Variants in GMEB1 observed in about 807,000 individuals in gnomAD.
The protein encoded by GMEB1 is glucocorticoid modulatory element binding protein 1.
In GMEB1, 6 loss-of-function variants were observed where a neutral mutation model predicts 52.4. That is an observed-to-expected ratio of 0.11 (90% CI 0.06 to 0.23). GMEB1 has a LOEUF of 0.23. GMEB1 is among the 10% of genes least tolerant of loss of function. The pLI, the probability that GMEB1 is intolerant of heterozygous loss-of-function variation, is 1.00. For missense variants in GMEB1, 486 were observed against 685.6 expected, an observed-to-expected ratio of 0.71 and a Z score of 3.25; for synonymous variants, 255 against 244.9, an observed-to-expected ratio of 1.04 and a Z score of -0.38.
intron 6 of GMEB1, 37 bp from the exon 7 acceptor site, chr1:28,702,401 A>T (rs1235001656): frequency 1.3e-6 from 2 of 1,589,668 alleles, no homozygotes; most frequent in African/African-American, 1.3e-5. Flanking sequence ...CTTTTTCGTT[A>T]AATTCACTGT....
At chr1:28,669,904 A>G (rs1668804054) in intron 1 of GMEB1, among the ~76,000 whole-genome samples, 3 of 152,134 alleles carry the variant, frequency 2.0e-5, no homozygotes, top group Admixed American at 2.0e-4. Flanking sequence ...TTGGAGGATG[A>G]TCCACAAGAC....
intron 9 of GMEB1, among the ~76,000 whole-genome samples, chr1:28,711,273 C>T (rs1477680140): frequency 1.4e-5 from 2 of 144,010 alleles, no homozygotes; most frequent in African/African-American, 5.1e-5. Context: ...GGGACAAGAA[C>T]GAGACTCTGT....
chr1:28,702,312 G>A (rs1670552612), intron 6 of GMEB1, 126 bp from the exon 7 acceptor site: 3 of 611,640 alleles, frequency 4.9e-6, no homozygotes, highest in Non-Finnish European at 8.1e-6. Context: ...TTAAAATAGG[G>A]ACCTGCAGCC....
Position 28,704,203 on chromosome 1 carries a change from A to C in GMEB1, c.742A>C (p.Met248Leu). The C allele has an allele frequency of 6.2e-7, 1 of 1,611,476 alleles. No homozygotes were observed. The part of the protein sequence containing the change: ...DSEEISEDTL[M>L]FWKGIADVGL... ...CCTTCTTGTGCCAGAGGACACTTTG[A>C]TGTTCTGGAAAGGAATAGCTGATGT... Residue 248 changes from methionine (M) to leucine (L), a missense_variant, in exon 8 of 10, where the codon ATG becomes CTG. Physicochemically the swap from Met to Leu is conservative, Grantham distance 15 (BLOSUM62 2). Transcript: ENST00000373816.
At position 28,704,197 on chromosome 1, in the gene GMEB1, A is replaced by T; in HGVS notation, c.736A>T (p.Thr246Ser). 1 of 1,610,574 alleles carries T rather than the reference A, an allele frequency of 6.2e-7. No homozygotes were observed. The highest frequency in any genetic ancestry group is 1.3e-5 in the African/African-American group (1 of 74,770). Residue 246 changes from threonine to serine, a missense_variant, in exon 8 of 10, where the codon ACT (threonine) becomes TCT (serine). Physicochemically the swap from Thr to Ser is moderately conservative, Grantham distance 58 (BLOSUM62 1). Around this residue, in one of 5 missense-constraint regions of GMEB1, gnomAD observed 200 missense variants for 253.5 expected, o/e 0.79. Coordinates refer to ENST00000373816, the MANE Select transcript of GMEB1 (RefSeq NM_001319674.2). ...TCTTATCCTTCTTGTGCCAGAGGACACTTTGATGTTCTGGAAAGGAATAGC... is the reference window on the plus strand; with the variant it reads ...TCTTATCCTTCTTGTGCCAGAGGACTCTTTGATGTTCTGGAAAGGAATAGC... ...KKDSEEISED[T>S]LMFWKGIADV...
At chr1:28,705,357 G>T (rs957454493) in intron 8 of GMEB1, among the ~76,000 whole-genome samples, 6 of 151,132 alleles carry the variant, frequency 4.0e-5, no homozygotes, top group Non-Finnish European at 8.8e-5. Flanking sequence ...TTATGCCACT[G>T]CCCACCAGTC....
At chr1:28,672,375 T>A (rs1268362182) in intron 1 of GMEB1, among the ~76,000 whole-genome samples, 1 of 149,136 alleles carries the variant, frequency 6.7e-6, no homozygotes, top group Non-Finnish European at 1.5e-5. Flanking sequence ...CCGCCACCAC[T>A]CCCAGCTAAT....
intron 8 of GMEB1, among the ~76,000 whole-genome samples, chr1:28,707,234 G>A (rs1173136896): frequency 1.3e-5 from 2 of 151,354 alleles, no homozygotes; most frequent in East Asian, 1.9e-4. Context: ...TGCCCGCCTC[G>A]GCCTCCCAAA....
At chr1:28,688,279 G>A (rs781238339) in intron 2 of GMEB1, among the ~76,000 whole-genome samples, 20 of 152,138 alleles carry the variant, frequency 1.3e-4, no homozygotes, top group African/African-American at 4.1e-4. Context: ...GCGAAACTCC[G>A]TCTCAAGAAA....
At chr1:28,688,118 C>T (rs1196975326) in intron 2 of GMEB1, among the ~76,000 whole-genome samples, 1 of 152,086 alleles carries the variant, frequency 6.6e-6, no homozygotes, top group Non-Finnish European at 1.5e-5. Flanking sequence ...AACCCCATCT[C>T]TACTAAAAAT....
At chr1:28,710,758 G>C (rs1409655221) in intron 9 of GMEB1, 116 bp downstream of exon 9, 1 of 617,868 alleles carries the variant, frequency 1.6e-6, no homozygotes, top group Non-Finnish European at 2.4e-6. Context: ...ATCAGATTTT[G>C]CTTTTAAAAA....
At chr1:28,690,017 T>G in intron 2 of GMEB1, 87 bp from the exon 3 acceptor site, 1 of 825,628 alleles carries the variant, frequency 1.2e-6, no homozygotes, top group Non-Finnish European at 2.0e-6. Flanking sequence ...TGAGATAGTT[T>G]GAAACAAATT....
At chr1:28,684,704 A>C (rs904208458) in intron 2 of GMEB1, among the ~76,000 whole-genome samples, 1 of 152,098 alleles carries the variant, frequency 6.6e-6, no homozygotes, top group Admixed American at 6.6e-5. Flanking sequence ...ACACATGGAC[A>C]CAGGGAGGGG....
chr1:28,713,015 A>G (rs1260796040), intron 9 of GMEB1, among the ~76,000 whole-genome samples: 2 of 148,992 alleles, frequency 1.3e-5, no homozygotes, highest in African/African-American at 5.0e-5. Context: ...AACATTAGCC[A>G]GGCGCGGTGG....
Position 28,708,106 on chromosome 1 carries a change from G to T in GMEB1, c.869-2414G>T, listed in dbSNP as rs934674389. Among the ~76,000 whole-genome samples, 7 of 151,920 alleles carry T rather than the reference G, an allele frequency of 4.6e-5. No individual in the cohort carries two copies. The South Asian group carries it at 8.3e-4, about 18-fold the overall frequency. On this transcript the variant is annotated intron_variant, in intron 8 of 9. Coordinates refer to ENST00000373816, the MANE Select transcript of GMEB1 (RefSeq NM_001319674.2). ...TAGAGACAGGGTTTTGCCATATTGC[G>T]CAGGCTGGTCTCAAACTCCTGTGCT...
At chr1:28,674,875 C>T (rs565884689) in intron 1 of GMEB1, among the ~76,000 whole-genome samples, 374 of 144,508 alleles carry the variant, frequency 2.6e-3, no homozygotes, top group Non-Finnish European at 4.2e-3. Flanking sequence ...CCCGCCACTA[C>T]GCCCGGCTAA....
chr1:28,706,977 GTTTTTTT>G (rs1237383046), intron 8 of GMEB1, among the ~76,000 whole-genome samples: 5 of 82,748 alleles, frequency 6.0e-5, no homozygotes, highest in African/African-American at 1.7e-4. Flanking sequence ...TCCAGATTTG[GTTTTTTT>G]TTTTTTTTTT....
In GMEB1 at chr1:28,716,889, A is replaced by G. The variant is rs1028781516; in HGVS notation, c.*2116A>G. On this transcript the variant is annotated 3_prime_UTR_variant, in exon 10 of 10. Transcript: ENST00000373816. ...CCCTGGTTTTTATTTCTTTGATTGC[A>G]TTGTTTACTGCACTAGGAAAAATAT... 3.3e-5 allele frequency: 5 copies of G among 151,860 alleles called. No homozygotes were observed. The highest frequency in any genetic ancestry group is 1.2e-4 in the African/African-American group (5 of 41,332). The allele number at this position is 151,860 out of a possible 1,614,324, so 9.4% of individuals were successfully genotyped here.
chr1:28,705,905 A>C (rs1284773660), intron 8 of GMEB1, among the ~76,000 whole-genome samples: 1 of 151,460 alleles, frequency 6.6e-6, no homozygotes, highest in African/African-American at 2.4e-5. Flanking sequence ...CTGTAATCCC[A>C]GCACTTTGGG....
Sources: gnomAD v4.1 joint callset for allele counts (sites outside exome capture counted in the v4.1 genomes callset) on GRCh38, gnomAD v4.1.1 for gene constraint, gnomAD v4.1.1 regional missense constraint, MANE v1.5 for transcripts, NCBI Gene and HGNC (gene_info 2026-07-23, HGNC 2026-07-21) for gene names.